HSPA9: variants seen among roughly 807,000 people sequenced by gnomAD.
HSPA9 encodes the protein heat shock protein family A (Hsp70) member 9.
HSPA9 carries 28 observed loss-of-function variants against 81.5 expected under a neutral mutation model. The ratio of observed to expected loss-of-function variants is 0.34; its 90% CI spans 0.25 to 0.47. The LOEUF (loss-of-function observed/expected upper bound fraction) is 0.47, where lower values mean the gene tolerates loss of function less well. HSPA9 is among the 20% of genes least tolerant of loss of function. The pLI is 1.00. For synonymous variants in HSPA9, 293 were observed against 290.4 expected (o/e 1.01, Z -0.09); for missense variants, 678 against 838.0 (o/e 0.81, Z 2.36).
chr5:138,566,509 A>G, intron 9 of HSPA9, 117 bp downstream of exon 9: 1 of 806,650 alleles, frequency 1.2e-6, no homozygotes, highest in East Asian at 2.5e-5. Context: ...AAAACTGAAA[A>G]AACAAACAAA....
At chr5:138,570,923 T>C (rs780743466) in intron 4 of HSPA9, 37 bp downstream of exon 4, 25 of 1,592,540 alleles carry the variant, frequency 1.6e-5, no homozygotes, top group Admixed American at 1.2e-4. Flanking sequence ...CCCTTGCAAA[T>C]AACTGCTTTT....
rs778523579 is a variant in HSPA9 at position 138,560,235 on chromosome 5, C to T, written c.1183-144G>A. 1.3e-4 allele frequency: 92 copies of T among 697,358 alleles called. 1 individual carries two copies. The highest frequency in any genetic ancestry group is 9.8e-4 in the South Asian group (63 of 64,500). 43.2% of individuals were successfully genotyped at this position (697,358 alleles called of 1,614,324 possible). ...AGAATGTTTATTCAAATAACCATTT[C>T]GTACTTGGGTTCCTGCTAATGATCT... On this transcript the variant is annotated intron_variant, in intron 10 of 16. Transcript: ENST00000297185.
Position 138,572,232 on chromosome 5 carries a change from G to A in HSPA9, c.229-1091C>T, listed in dbSNP as rs184877968. 3.5e-3 allele frequency among the ~76,000 whole-genome samples: 520 copies of A among 150,558 alleles called. 5 individuals are homozygous for A. The highest frequency in any genetic ancestry group is 0.012 in the African/African-American group (485 of 39,914). ...TTACAGGCATGACCCACCAGGCCTGGCCCTGATTTACATTTTAAAAACTGC... is the reference window on the plus strand; with the variant it reads ...TTACAGGCATGACCCACCAGGCCTGACCCTGATTTACATTTTAAAAACTGC... On this transcript the variant is annotated intron_variant, in intron 3 of 16. Coordinates refer to ENST00000297185, the MANE Select transcript of HSPA9 (RefSeq NM_004134.7).
intron 1 of HSPA9, chr5:138,574,889 C>G: frequency 2.7e-6 from 1 of 375,264 alleles, no homozygotes; most frequent in Non-Finnish European, 4.9e-6. Flanking sequence ...TGTAGAGGAG[C>G]CAAAAATAAA....
At chr5:138,556,979 T>G (rs1487530846) in intron 14 of HSPA9, 113 bp from the exon 15 acceptor site, 5 of 798,784 alleles carry the variant, frequency 6.3e-6, no homozygotes, top group African/African-American at 1.7e-5. Context: ...AAAAATAGAG[T>G]AAGAGGGAGA....
intron 9 of HSPA9, 74 bp downstream of exon 9, chr5:138,566,552 G>T: frequency 9.2e-7 from 1 of 1,092,836 alleles, no homozygotes; most frequent in Non-Finnish European, 1.4e-6. Context: ...AGGCCAATTA[G>T]AAAATACTAT....
At chr5:138,573,927 G>A in intron 2 of HSPA9, 77 bp from the exon 3 acceptor site, 1 of 1,305,610 alleles carries the variant, frequency 7.7e-7, no homozygotes, top group Non-Finnish European at 1.1e-6. Context: ...ATATTTAATT[G>A]GAAAATTAAC....
At chr5:138,567,623 T>A (rs1750793855) in intron 6 of HSPA9, 26 bp downstream of exon 6, 1 of 1,611,604 alleles carries the variant, frequency 6.2e-7, no homozygotes. Context: ...TTACTTTTTG[T>A]GAATAAGAAT....
intron 5 of HSPA9, 140 bp downstream of exon 5, chr5:138,568,785 A>C: frequency 2.4e-6 from 2 of 829,516 alleles, no homozygotes; most frequent in Non-Finnish European, 4.2e-6. Flanking sequence ...CATGAAGTAT[A>C]ACACAGTTTT....
Position 138,557,458 on chromosome 5 carries a change from TATC to T in HSPA9, c.1669_1671del (p.Asp557del), listed in dbSNP as rs749988348. On this transcript the variant is annotated inframe_deletion, in exon 14 of 17. Transcript: ENST00000297185. ...TCTGCATTTTTAACCATATTTTCAA[TATC>T]ATCTTTGCTTAATCCACCAGAAGAC... The T allele has an allele frequency of 6.2e-7, 1 of 1,610,590 alleles. No homozygotes were observed. Among genetic ancestry groups the T allele is most frequent in the Non-Finnish European group, 8.5e-7 (1 of 1,177,304 alleles).
intron 9 of HSPA9, 117 bp from the exon 10 acceptor site, chr5:138,561,906 G>C: frequency 1.3e-6 from 1 of 797,666 alleles, no homozygotes; most frequent in Non-Finnish European, 2.2e-6. Context: ...ACCAAAGGGA[G>C]GGTGAGATCT....
At chr5:138,557,778 G>T in intron 13 of HSPA9, 91 bp downstream of exon 13, 2 of 838,268 alleles carry the variant, frequency 2.4e-6, no homozygotes, top group South Asian at 1.3e-5. Flanking sequence ...TCTGATAACT[G>T]AGGGGCAAAG....
In HSPA9 at chr5:138,569,034, A is replaced by G; in HGVS notation, c.426T>C (p.Phe142=). 6.2e-7 allele frequency: 1 copy of G among 1,613,912 alleles called. No homozygotes were observed. The highest frequency in any genetic ancestry group is 8.5e-7 in the Non-Finnish European group (1 of 1,179,838). The change falls in exon 5 of 17, where the codon TTT becomes TTC. Residue 142 remains phenylalanine, a synonymous_variant. Transcript: ENST00000297185. ...EVQKDIKNVP[F]KIVRASNGDA... ...CACCATTGGAGGCACGGACAATTTT[A>G]AAGGGAACATTTTTACTGTAAGACA...
intron 1 of HSPA9, chr5:138,575,014 C>T (rs2127164223): frequency 3.3e-6 from 2 of 598,144 alleles, no homozygotes; most frequent in East Asian, 2.8e-5. Context: ...TGAAATGACA[C>T]TCTAGATCGC....
chr5:138,570,343 C>A (rs548743567), intron 4 of HSPA9, among the ~76,000 whole-genome samples: 4 of 152,232 alleles, frequency 2.6e-5, no homozygotes, highest in African/African-American at 9.6e-5. Flanking sequence ...AAAATCAAGT[C>A]TTTTTCTGTA....
At position 138,565,481 on chromosome 5, in the gene HSPA9, C is replaced by T. The variant is rs190894902; in HGVS notation, c.972+1145G>A. Among the ~76,000 whole-genome samples, 3 of 152,264 alleles carry T rather than the reference C, an allele frequency of 2.0e-5. No individual in the cohort carries two copies. In the East Asian group the frequency reaches 5.8e-4, roughly 29 times the overall value. On this transcript the variant is annotated intron_variant, in intron 9 of 16. Transcript: ENST00000297185. The stretch of plus-strand genomic sequence containing the variant: ...TGGGTGATCAAAATAAAGGTGTCAC[C>T]GCTCTGCTTTTCCTGCTGTCACCCA...
At chr5:138,574,238 A>C in intron 1 of HSPA9, 112 bp from the exon 2 acceptor site, 1 of 751,140 alleles carries the variant, frequency 1.3e-6, no homozygotes, top group Non-Finnish European at 2.4e-6. Flanking sequence ...AAAACAGTAA[A>C]TATTAAAGTT....
At chr5:138,573,713 A>G in intron 3 of HSPA9, 50 bp downstream of exon 3, 1 of 1,118,890 alleles carries the variant, frequency 8.9e-7, no homozygotes, top group Non-Finnish European at 1.4e-6. Flanking sequence ...AAAAGAGCAC[A>G]GAATTCTGGA....
intron 10 of HSPA9, among the ~76,000 whole-genome samples, chr5:138,560,561 C>CT (rs1554142038): frequency 7.9e-6 from 1 of 127,264 alleles, no homozygotes. Context: ...ACTTTTTCTT[C>CT]TTCTTTTTTT....
Sources: allele counts gnomAD v4.1 joint callset (sites outside exome capture counted in the v4.1 genomes callset), GRCh38; gene constraint gnomAD v4.1.1; transcripts MANE v1.5; gene names NCBI Gene and HGNC (gene_info 2026-07-23, HGNC 2026-07-21).